GTSE1: variants seen among roughly 807,000 people sequenced by gnomAD.
The protein encoded by GTSE1 is G2 and S-phase expressed 1.
GTSE1 carries 52 observed loss-of-function variants against 60.5 expected under a neutral mutation model. The ratio of observed to expected loss-of-function variants is 0.86; its 90% CI spans 0.69 to 1.08. The LOEUF is 1.08. Among genes scored for constraint, GTSE1 ranks in the 50% least tolerant of loss-of-function variants. The pLI is 0.00. For missense variants in GTSE1, 937 were observed against 961.8 expected (o/e 0.97, Z 0.34); for synonymous variants, 368 against 386.5 (o/e 0.95, Z 0.56).
In GTSE1 at chr22:46,316,488, G is replaced by A; in HGVS notation, c.1432+76G>A. 1 of 977,174 alleles carries A rather than the reference G, an allele frequency of 1.0e-6. No homozygotes were observed. Among genetic ancestry groups the A allele is most frequent in the Admixed American group, 2.3e-5 (1 of 43,180 alleles). The allele number at this position is 977,174 out of a possible 1,614,324, so 60.5% of individuals were successfully genotyped here. A position where few individuals can be genotyped will look rare whatever the true frequency, so the allele number is the denominator to read the frequency against. ...GCATTTAAAGTTTTAAACAATTATT[G>A]ATGGCATTGATGGTGTTTTTAGTTC... On this transcript the variant is annotated intron_variant, in intron 7 of 11. Coordinates refer to ENST00000454366, the MANE Select transcript of GTSE1 (RefSeq NM_016426.7). This position sits in a 1 kb window ranked among gnomAD's most constrained non-coding sequence, Gnocchi z 5.0.
chr22:46,297,703 C>G lies in GTSE1; in HGVS notation c.79+224C>G, dbSNP rs143972837. On this transcript the variant is annotated intron_variant, in intron 2 of 11. Coordinates refer to ENST00000454366, the MANE Select transcript of GTSE1 (RefSeq NM_016426.7). The surrounding 1 kb of genome is among the most constrained non-coding windows in gnomAD (Gnocchi z 4.9). The stretch of plus-strand genomic sequence containing the variant: ...CATCCGTTTTATTTACCGCAGTGCT[C>G]CCATGCCCTGAACAGCACCTAACAC... Among the ~76,000 whole-genome samples, 12 of 152,320 alleles carry G rather than the reference C, an allele frequency of 7.9e-5. No individual in the cohort carries two copies. The highest frequency in any genetic ancestry group is 2.4e-4 in the African/African-American group (10 of 41,560).
intron 8 of GTSE1, 54 bp from the exon 9 acceptor site, chr22:46,326,382 A>T: frequency 7.0e-7 from 1 of 1,429,210 alleles, no homozygotes; most frequent in Non-Finnish European, 9.7e-7. Flanking sequence ...GAATGATGAG[A>T]TCTTACTTTT....
At position 46,314,604 on chromosome 22, in the gene GTSE1, A is replaced by G. The variant is rs1358879720; in HGVS notation, c.1051+591A>G. ...AAAATGTAAAAAGTGGGCCGGGCGCAGGGGCTCACGCCTGTGATCCCAGCA... is the reference window on the plus strand; with the variant it reads ...AAAATGTAAAAAGTGGGCCGGGCGCGGGGGCTCACGCCTGTGATCCCAGCA... On this transcript the variant is annotated intron_variant, in intron 6 of 11. Transcript: ENST00000454366. The surrounding 1 kb of genome is among the most constrained non-coding windows in gnomAD (Gnocchi z 7.1). Among the ~76,000 whole-genome samples the G allele has an allele frequency of 6.6e-6, 1 of 152,160 alleles. No homozygotes were observed. Among genetic ancestry groups the G allele is most frequent in the African/African-American group, 2.4e-5 (1 of 41,456 alleles).
At position 46,309,170 on chromosome 22, in the gene GTSE1, G is replaced by A. The variant is rs900939879; in HGVS notation, c.762+227G>A. Among the ~76,000 whole-genome samples, 6 of 152,226 alleles carry A rather than the reference G, an allele frequency of 3.9e-5. No homozygotes were observed. Among genetic ancestry groups the A allele is most frequent in the Non-Finnish European group, 8.8e-5 (6 of 68,040 alleles). Reference sequence around the variant, plus strand: ...TTCCTCCTAAATTCTGTCTGAAGTTGTTCCTTTTGTTTTGTTACAATGCTG... The same window carrying A: ...TTCCTCCTAAATTCTGTCTGAAGTTATTCCTTTTGTTTTGTTACAATGCTG... On this transcript the variant is annotated intron_variant, in intron 4 of 11. Transcript: ENST00000454366. This position sits in a 1 kb window ranked among gnomAD's most constrained non-coding sequence, Gnocchi z 6.2.
intron 2 of GTSE1, among the ~76,000 whole-genome samples, chr22:46,301,867 G>T (rs371169239): frequency 6.6e-6 from 1 of 152,150 alleles, no homozygotes; most frequent in South Asian, 2.1e-4. Context: ...GGTGGCTTGC[G>T]CCTGTCATCC....
rs768132611 is a variant in GTSE1, at chr22:46,323,171, C to T, written c.1433-19C>T. 2 of 1,591,992 alleles carry T rather than the reference C, an allele frequency of 1.3e-6. No homozygotes were observed. Among genetic ancestry groups the T allele is most frequent in the Non-Finnish European group, 1.7e-6 (2 of 1,159,870 alleles). Reference sequence around the variant, plus strand: ...CCTGATCACTTTACCTGACCGCACACTTCCTTTCTTGGACTTAGGTGACTC... The same window carrying T: ...CCTGATCACTTTACCTGACCGCACATTTCCTTTCTTGGACTTAGGTGACTC... On this transcript the variant is annotated intron_variant, in intron 7 of 11. Transcript: ENST00000454366.
At chr22:46,306,807 A>G (rs1438204077) in intron 2 of GTSE1, among the ~76,000 whole-genome samples, 1 of 152,198 alleles carries the variant, frequency 6.6e-6, no homozygotes, top group African/African-American at 2.4e-5. Context: ...TATTAAGATA[A>G]AAACATTTAT....
chr22:46,298,795 C>G (rs1306316746), intron 2 of GTSE1, among the ~76,000 whole-genome samples: 1 of 152,230 alleles, frequency 6.6e-6, no homozygotes, highest in Non-Finnish European at 1.5e-5. Flanking sequence ...AGGCCTTCCC[C>G]ACTTCCGTTG....
In GTSE1 at chr22:46,319,982, C is replaced by T; in HGVS notation, c.1433-3208C>T. Reference sequence around the variant, plus strand: ...CCTGGGCGACAGAACGAGACTGTCTCAAAAAAAAAAAAAAGAAAGAAAGAA... The same window carrying T: ...CCTGGGCGACAGAACGAGACTGTCTTAAAAAAAAAAAAAAGAAAGAAAGAA... On this transcript the variant is annotated intron_variant, in intron 7 of 11. Coordinates refer to ENST00000454366, the MANE Select transcript of GTSE1 (RefSeq NM_016426.7). The surrounding 1 kb of genome is among the most constrained non-coding windows in gnomAD (Gnocchi z 5.0). Among the ~76,000 whole-genome samples the T allele has an allele frequency of 8.7e-6, 1 of 115,428 alleles. No homozygotes were observed. Among genetic ancestry groups the T allele is most frequent in the Non-Finnish European group, 1.9e-5 (1 of 52,914 alleles). 75.7% of individuals were successfully genotyped at this position (115,428 alleles called of 152,430 possible). A position where few individuals can be genotyped will look rare whatever the true frequency, so the allele number is the denominator to read the frequency against.
At chr22:46,327,180 G>C (rs1167498905) in intron 9 of GTSE1, 3 of 151,424 alleles carry the variant, frequency 2.0e-5, no homozygotes, top group Non-Finnish European at 4.4e-5. Flanking sequence ...CCAGCCTGGG[G>C]GACAGAGTGA....
rs1253892185 is a variant in GTSE1, at chr22:46,324,568, C to T, written c.1505+1306C>T. Among the ~76,000 whole-genome samples the T allele has an allele frequency of 6.6e-6, 1 of 152,048 alleles. No individual in the cohort carries two copies. Among genetic ancestry groups the T allele is most frequent in the African/African-American group, 2.4e-5 (1 of 41,410 alleles). On this transcript the variant is annotated intron_variant, in intron 8 of 11. Coordinates refer to ENST00000454366, the MANE Select transcript of GTSE1 (RefSeq NM_016426.7). The surrounding 1 kb of genome is among the most constrained non-coding windows in gnomAD (Gnocchi z 5.2). ...ATTTTTAGTAGAGACGGGGTTTCAC[C>T]GTGTTAGCCAGGATGGTCTCGATCT...
Position 46,313,369 on chromosome 22 carries a change from A to T in GTSE1, c.928-521A>T. On this transcript the variant is annotated intron_variant, in intron 5 of 11. Transcript: ENST00000454366. The surrounding 1 kb of genome is among the most constrained non-coding windows in gnomAD (Gnocchi z 4.4). Reference sequence around the variant, plus strand: ...GTCTGGGTTGGGGCCCCAAATCTGCATTTCTGCTAGCTCCCTAATGTGGTC... The same window carrying T: ...GTCTGGGTTGGGGCCCCAAATCTGCTTTTCTGCTAGCTCCCTAATGTGGTC... Among the ~76,000 whole-genome samples the T allele has an allele frequency of 6.6e-6, 1 of 152,112 alleles. No individual in the cohort carries two copies. The highest frequency in any genetic ancestry group is 1.9e-4 in the East Asian group (1 of 5,188).
Position 46,312,297 on chromosome 22 carries a change from C to G in GTSE1, c.919C>G (p.Pro307Ala). ...LGQGKRAIPVPNKLGLKKTLL... is the reference protein window; with the variant it reads ...LGQGKRAIPVANKLGLKKTLL... Reference sequence around the variant, plus strand: ...CCAGGGCAAGCGGGCGATCCCTGTTCCAAACAAGGTGAGTTGGCTGCTGGG... The same window carrying G: ...CCAGGGCAAGCGGGCGATCCCTGTTGCAAACAAGGTGAGTTGGCTGCTGGG... Residue 307 changes from proline (P) to alanine (A), a missense_variant, in exon 5 of 12, where the codon CCA (proline) becomes GCA (alanine). Pro to Ala is a conservative substitution (Grantham distance 27). Coordinates refer to ENST00000454366, the MANE Select transcript of GTSE1 (RefSeq NM_016426.7). 1 of 1,610,728 alleles carries G rather than the reference C, an allele frequency of 6.2e-7. No homozygotes were observed. Among genetic ancestry groups the G allele is most frequent in the Non-Finnish European group, 8.5e-7 (1 of 1,178,366 alleles).
chr22:46,299,207 G>A (rs906976816), intron 2 of GTSE1, among the ~76,000 whole-genome samples: 1 of 152,192 alleles, frequency 6.6e-6, no homozygotes, highest in Non-Finnish European at 1.5e-5. Flanking sequence ...TTCTCTGTCG[G>A]GGGCTCCCCC....
At chr22:46,299,247 A>G (rs1190254786) in intron 2 of GTSE1, among the ~76,000 whole-genome samples, 7 of 152,214 alleles carry the variant, frequency 4.6e-5, no homozygotes, top group Middle Eastern at 3.2e-3. Flanking sequence ...GATTTCCCCA[A>G]GACCTGCTCT....
rs1278121307 is a variant in GTSE1, at chr22:46,310,184, C to T, written c.762+1241C>T. ...GCTCACTCCTGTGAGGAGTCATTAG[C>T]AATGGGTGGACCACTTGAGTGTAAC... On this transcript the variant is annotated intron_variant, in intron 4 of 11. Coordinates refer to ENST00000454366, the MANE Select transcript of GTSE1 (RefSeq NM_016426.7). This position sits in a 1 kb window ranked among gnomAD's most constrained non-coding sequence, Gnocchi z 4.4. Among the ~76,000 whole-genome samples the T allele has an allele frequency of 2.0e-5, 3 of 152,220 alleles. No individual in the cohort carries two copies. The highest frequency in any genetic ancestry group is 7.2e-5 in the African/African-American group (3 of 41,444).
At chr22:46,328,937 G>A in intron 10 of GTSE1, 48 bp downstream of exon 10, 1 of 1,461,862 alleles carries the variant, frequency 6.8e-7, no homozygotes, top group Non-Finnish European at 9.5e-7. Flanking sequence ...GATTCCTGGA[G>A]GCTGCTCGGG....
chr22:46,316,294 A>G lies in GTSE1; in HGVS notation c.1314A>G (p.Ser438=). ...GGCTGAACTCCAGTTGCGCTTGGTC[A>G]GAATCTTCTCAATTGAATAAGACTA... ...GQWLNSSCAW[S]ESSQLNKTRS... The change falls in exon 7 of 12, where the codon TCA becomes TCG. Residue 438 remains serine, a synonymous_variant. Coordinates refer to ENST00000454366, the MANE Select transcript of GTSE1 (RefSeq NM_016426.7). The surrounding 1 kb of genome is among the most constrained non-coding windows in gnomAD (Gnocchi z 5.0). 1 of 1,614,120 alleles carries G rather than the reference A, an allele frequency of 6.2e-7. No individual in the cohort carries two copies. Among genetic ancestry groups the G allele is most frequent in the Non-Finnish European group, 8.5e-7 (1 of 1,180,020 alleles).
rs1301696542 is a variant in GTSE1 at position 46,319,827 on chromosome 22, A to G, written c.1433-3363A>G. On this transcript the variant is annotated intron_variant, in intron 7 of 11. Coordinates refer to ENST00000454366, the MANE Select transcript of GTSE1 (RefSeq NM_016426.7). This position sits in a 1 kb window ranked among gnomAD's most constrained non-coding sequence, Gnocchi z 5.0. Reference sequence around the variant, plus strand: ...ATGGTGAAACCCTGTCTCTACTAAAAATAGAAAAATTAGCCAGGCATGGTG... The same window carrying G: ...ATGGTGAAACCCTGTCTCTACTAAAGATAGAAAAATTAGCCAGGCATGGTG... 3.3e-5 allele frequency among the ~76,000 whole-genome samples: 5 copies of G among 152,004 alleles called. No individual in the cohort carries two copies. Among genetic ancestry groups the G allele is most frequent in the Non-Finnish European group, 5.9e-5 (4 of 67,974 alleles).
Sources: allele counts gnomAD v4.1 joint callset (sites outside exome capture counted in the v4.1 genomes callset), GRCh38; gene constraint gnomAD v4.1.1; non-coding constraint Gnocchi (gnomAD v3.1); transcripts MANE v1.5; gene names NCBI Gene and HGNC (gene_info 2026-07-23, HGNC 2026-07-21).